Variants in LARP4 observed in about 807,000 individuals in gnomAD.
The protein encoded by LARP4 is la-related protein 4.
In LARP4, 29 loss-of-function variants were observed where a neutral mutation model predicts 92.9. The observed-to-expected ratio is 0.31, with a 90% CI of 0.23 to 0.43. LARP4 has a LOEUF of 0.43. Ranked by LOEUF, LARP4 falls within the 20% of genes least tolerant of loss-of-function variation. LARP4 has a pLI of 1.00. For missense variants in LARP4, 732 were observed against 860.0 expected (o/e 0.85, Z 1.86); for synonymous variants, 279 against 284.1 (o/e 0.98, Z 0.18).
intron 11 of LARP4, 190 bp downstream of exon 11, chr12:50,461,537 G>C: frequency 1.7e-6 from 1 of 593,140 alleles, no homozygotes; most frequent in Non-Finnish European, 2.9e-6. Context: ...TGCCCATACA[G>C]AATATAGCTC....
chr12:50,453,746 T>A (rs898681726), intron 9 of LARP4, 74 bp downstream of exon 9: 1 of 953,296 alleles, frequency 1.0e-6, no homozygotes, highest in Non-Finnish European at 1.6e-6. Flanking sequence ...TCAGTTGGAG[T>A]GGGAGCTCAT....
In LARP4 at chr12:50,478,928, T is replaced by A. The variant is rs575984493; in HGVS notation, c.*3064T>A. 1 of 152,318 alleles carries A rather than the reference T, an allele frequency of 6.6e-6. No homozygotes were observed. Among genetic ancestry groups the A allele is most frequent in the Non-Finnish European group, 1.5e-5 (1 of 68,002 alleles). 9.4% of individuals were successfully genotyped at this position (152,318 alleles called of 1,614,324 possible). A position where few individuals can be genotyped will look rare whatever the true frequency, so the allele number is the denominator to read the frequency against. ...TCTTATGTGCTGAATTTGCAGATGA[T>A]CAGATGCTGTGCAGAATTCTGATTT... On this transcript the variant is annotated 3_prime_UTR_variant, in exon 16 of 16. Coordinates refer to ENST00000398473, the MANE Select transcript of LARP4 (RefSeq NM_052879.5).
intron 8 of LARP4, among the ~76,000 whole-genome samples, chr12:50,449,675 T>C (rs1444163514): frequency 1.3e-5 from 2 of 152,126 alleles, no homozygotes; most frequent in African/African-American, 4.8e-5. Context: ...GGTATTTCTC[T>C]ATCTATTTTT....
intron 8 of LARP4, among the ~76,000 whole-genome samples, chr12:50,452,665 CT>C (rs1400429709): frequency 6.6e-6 from 1 of 152,006 alleles, no homozygotes; most frequent in Non-Finnish European, 1.5e-5. Flanking sequence ...ACTTACATTT[CT>C]TTGATGATTA....
intron 10 of LARP4, among the ~76,000 whole-genome samples, chr12:50,459,164 A>G (rs1024353443): frequency 6.6e-6 from 1 of 152,014 alleles, no homozygotes; most frequent in Non-Finnish European, 1.5e-5. Context: ...ATGCCAGGCT[A>G]ATTTTTGTAT....
At chr12:50,432,007 G>A (rs574417702) in intron 4 of LARP4, among the ~76,000 whole-genome samples, 11 of 152,220 alleles carry the variant, frequency 7.2e-5, no homozygotes, top group East Asian at 3.9e-4. Flanking sequence ...GTGTGGTAGC[G>A]TGGCCCTGTA....
intron 1 of LARP4, among the ~76,000 whole-genome samples, chr12:50,410,088 G>A (rs1314854746): frequency 1.4e-5 from 2 of 141,468 alleles, no homozygotes; most frequent in East Asian, 2.6e-4. Flanking sequence ...CACCACGCCC[G>A]GCAAAAAAAA....
In LARP4 at chr12:50,435,469, G is replaced by T; in HGVS notation, c.399-19G>T. 1 of 1,225,126 alleles carries T rather than the reference G, an allele frequency of 8.2e-7. No homozygotes were observed. Among genetic ancestry groups the T allele is most frequent in the South Asian group, 1.3e-5 (1 of 78,862 alleles). 75.9% of individuals were successfully genotyped at this position (1,225,126 alleles called of 1,614,324 possible). A position where few individuals can be genotyped will look rare whatever the true frequency, so the allele number is the denominator to read the frequency against. The stretch of plus-strand genomic sequence containing the variant: ...TTTTTAATAATTGCTTGTTTTATAG[G>T]ACTATTTTGTTTTTTCAGAGAAAAT... On this transcript the variant is annotated intron_variant, in intron 4 of 15. Transcript: ENST00000398473.
chr12:50,469,523 G>A (rs1956633291), intron 13 of LARP4, among the ~76,000 whole-genome samples: 1 of 145,530 alleles, frequency 6.9e-6, no homozygotes, highest in African/African-American at 2.5e-5. Flanking sequence ...AGAATGGCAT[G>A]AACCCGGGAG....
At chr12:50,439,284 A>G (rs1372592901) in intron 6 of LARP4, among the ~76,000 whole-genome samples, 2 of 151,544 alleles carry the variant, frequency 1.3e-5, no homozygotes, top group African/African-American at 2.4e-5. Flanking sequence ...CTGAATACAT[A>G]AAGAGTTCAT....
chr12:50,414,659 A>G (rs528141238), intron 1 of LARP4, among the ~76,000 whole-genome samples: 8 of 152,348 alleles, frequency 5.3e-5, no homozygotes, highest in Admixed American at 1.3e-4. Flanking sequence ...ATGATAATAT[A>G]AAGTGCTTAT....
intron 11 of LARP4, among the ~76,000 whole-genome samples, chr12:50,462,021 A>G (rs1955468667): frequency 6.6e-6 from 1 of 152,148 alleles, no homozygotes; most frequent in African/African-American, 2.4e-5. Flanking sequence ...AAACAATAGT[A>G]TGGTTCTGGT....
intron 1 of LARP4, among the ~76,000 whole-genome samples, chr12:50,409,934 A>C (rs1229350949): frequency 6.6e-6 from 1 of 151,730 alleles, no homozygotes; most frequent in African/African-American, 2.4e-5. Flanking sequence ...CTGAGATTAC[A>C]CACAGGTACC....
intron 8 of LARP4, among the ~76,000 whole-genome samples, chr12:50,444,485 T>C (rs1403426410): frequency 6.6e-6 from 1 of 152,214 alleles, no homozygotes; most frequent in East Asian, 1.9e-4. Context: ...TTAACTTTTA[T>C]ACCATTTATT....
At chr12:50,427,738 C>G (rs1168040156) in intron 1 of LARP4, 24 bp from the exon 2 acceptor site, 1 of 1,436,552 alleles carries the variant, frequency 7.0e-7, no homozygotes, top group Admixed American at 2.1e-5. Flanking sequence ...TAAAAATTTA[C>G]AAATAGATCC....
intron 1 of LARP4, among the ~76,000 whole-genome samples, chr12:50,415,237 A>G (rs1015296415): frequency 6.6e-6 from 1 of 152,100 alleles, no homozygotes; most frequent in Non-Finnish European, 1.5e-5. Context: ...AATAAAATGT[A>G]TAGTCTTAAC....
At chr12:50,473,358 T>C in intron 13 of LARP4, 57 bp from the exon 14 acceptor site, 2 of 1,321,904 alleles carry the variant, frequency 1.5e-6, no homozygotes, top group Non-Finnish European at 2.2e-6. Context: ...ATTAGACGTG[T>C]ATATCTTCTT....
intron 8 of LARP4, among the ~76,000 whole-genome samples, chr12:50,453,239 CG>C (rs531585919): frequency 2.0e-5 from 3 of 150,472 alleles, no homozygotes; most frequent in African/African-American, 2.4e-5. Flanking sequence ...TTGTGTGTGG[CG>C]GGGGGGGTTT....
At chr12:50,405,957 GTAT>G (rs1238257803) in intron 1 of LARP4, among the ~76,000 whole-genome samples, 1 of 152,084 alleles carries the variant, frequency 6.6e-6, no homozygotes, top group East Asian at 1.9e-4. Flanking sequence ...TTGCTATACT[GTAT>G]TATTTATAGA....
Sources: allele counts gnomAD v4.1 joint callset (sites outside exome capture counted in the v4.1 genomes callset), GRCh38; gene constraint gnomAD v4.1.1; transcripts MANE v1.5; gene names NCBI Gene and HGNC (gene_info 2026-07-23, HGNC 2026-07-21).